Variants in FARSB observed in about 807,000 individuals in gnomAD.
FARSB encodes phenylalanine--tRNA ligase beta subunit.
In FARSB, 40 loss-of-function variants were observed where a neutral mutation model predicts 69.6. The ratio of observed to expected loss-of-function variants is 0.57; its 90% confidence interval spans 0.45 to 0.75. FARSB has a LOEUF of 0.75. Ranked by LOEUF, FARSB falls within the 30% of genes least tolerant of loss-of-function variation. The pLI is 0.00. For missense variants in FARSB, 632 were observed against 722.9 expected, an observed-to-expected ratio of 0.87 and a Z score of 1.44; for synonymous variants, 235 against 247.2, an observed-to-expected ratio of 0.95 and a Z score of 0.46.
At chr2:222,632,848 A>C (rs1228338359) in intron 7 of FARSB, among the ~76,000 whole-genome samples, 1 of 151,858 alleles carries the variant, frequency 6.6e-6, no homozygotes, top group East Asian at 1.9e-4. Flanking sequence ...AACAAAAAAA[A>C]AAAACAAAAG....
chr2:222,612,072 G>A (rs1041918381), intron 15 of FARSB, among the ~76,000 whole-genome samples: 6 of 152,238 alleles, frequency 3.9e-5, no homozygotes, highest in Admixed American at 6.5e-5. Context: ...GAAATAAGAT[G>A]AATGGAAACA....
At chr2:222,599,847 A>G (rs1690515062) in intron 16 of FARSB, 81 bp downstream of exon 16, 2 of 1,173,064 alleles carry the variant, frequency 1.7e-6, no homozygotes, top group Non-Finnish European at 2.4e-6. Context: ...TCCCAAATCA[A>G]AACTACCAAC....
rs185668259 is a variant in FARSB, at chr2:222,617,972, G to A, written c.1344+1673C>T. Among the ~76,000 whole-genome samples the A allele has an allele frequency of 1.5e-3, 221 of 152,256 alleles. 1 individual carries two copies. The highest frequency in any genetic ancestry group is 0.013 in the Admixed American group (193 of 15,290). On this transcript the variant is annotated intron_variant, in intron 14 of 16. Transcript: ENST00000281828. Reference sequence around the variant, plus strand: ...GGAGAAAAAGGTACATTTCGAATAAGCAAAAATCCATTAAGATTTACTGAA... The same window carrying A: ...GGAGAAAAAGGTACATTTCGAATAAACAAAAATCCATTAAGATTTACTGAA...
intron 1 of FARSB, among the ~76,000 whole-genome samples, chr2:222,654,965 G>A (rs556621975): frequency 1.1e-4 from 16 of 152,328 alleles, no homozygotes; most frequent in East Asian, 5.8e-4. Flanking sequence ...TTGGGAGGCC[G>A]CGGCAGGTGG....
chr2:222,613,889 T>C lies in FARSB; in HGVS notation c.1384A>G (p.Ile462Val), dbSNP rs529537205. 72 of 1,613,964 alleles carry C rather than the reference T, an allele frequency of 4.5e-5. No individual in the cohort carries two copies. The South Asian group carries it at 7.2e-4, about 16-fold the overall frequency. ...TTLLPGLLKTIAANRKMPLPL... is the reference protein window; with the variant it reads ...TTLLPGLLKTVAANRKMPLPL... ...AGGGGCATCTTACGATTTGCTGCTATGGTCTTCAGGAGGCCAGGAAGAAGG... is the reference window on the plus strand; with the variant it reads ...AGGGGCATCTTACGATTTGCTGCTACGGTCTTCAGGAGGCCAGGAAGAAGG... The change falls in exon 15 of 17, where the codon ATA (isoleucine) becomes GTA (valine). Residue 462 changes from isoleucine (I) to valine (V), a missense_variant. Physicochemically the swap from Ile to Val is conservative, Grantham distance 29. Coordinates refer to ENST00000281828, the MANE Select transcript of FARSB (RefSeq NM_005687.5).
In FARSB at chr2:222,568,028, A is replaced by C. The variant is rs1361966317; in HGVS notation, c.*3843T>G. The C allele has an allele frequency of 6.6e-6, 1 of 152,266 alleles. No individual in the cohort carries two copies. The highest frequency in any genetic ancestry group is 1.5e-5 in the Non-Finnish European group (1 of 68,050). The allele number at this position is 152,266 out of a possible 1,614,324, so 9.4% of individuals were successfully genotyped here. A position where few individuals can be genotyped will look rare whatever the true frequency, so the allele number is the denominator to read the frequency against. On this transcript the variant is annotated 3_prime_UTR_variant, in exon 17 of 17. Coordinates refer to ENST00000281828, the MANE Select transcript of FARSB (RefSeq NM_005687.5). This position sits in a 1 kb window ranked among gnomAD's most constrained non-coding sequence, Gnocchi z 4.3. ...AAGTGAAATGTCATGAGATATATGTAAAATAAAAAACAAAACTTGTTGCAA... is the reference window on the plus strand; with the variant it reads ...AAGTGAAATGTCATGAGATATATGTCAAATAAAAAACAAAACTTGTTGCAA...
chr2:222,612,651 G>C (rs1690888780), intron 15 of FARSB, among the ~76,000 whole-genome samples: 2 of 152,188 alleles, frequency 1.3e-5, no homozygotes, highest in Admixed American at 6.5e-5. Flanking sequence ...CATAAACACT[G>C]CTAGTAATTG....
At chr2:222,572,917 C>T (rs1482924277) in intron 16 of FARSB, among the ~76,000 whole-genome samples, 3 of 152,174 alleles carry the variant, frequency 2.0e-5, no homozygotes, top group African/African-American at 7.2e-5. Flanking sequence ...CTCTCACCAC[C>T]AACTTGAAAA....
chr2:222,617,451 G>A (rs1338281976), intron 14 of FARSB, among the ~76,000 whole-genome samples: 1 of 152,174 alleles, frequency 6.6e-6, no homozygotes, highest in East Asian at 1.9e-4. Context: ...GAGAGAGGTG[G>A]GGAGCAAGAG....
At chr2:222,653,289 T>C (rs1692083710) in intron 1 of FARSB, among the ~76,000 whole-genome samples, 1 of 151,722 alleles carries the variant, frequency 6.6e-6, no homozygotes, top group Admixed American at 6.6e-5. Context: ...AAAGAGGTGG[T>C]AAAAAGGAAG....
At position 222,610,577 on chromosome 2, in the gene FARSB, C is replaced by T. The variant is rs932599743; in HGVS notation, c.1462+3234G>A. ...AGTCAAAAGTTAGGATAAGAATTGGCCCCAAGTGCCTCAGCAAGGTGACAT... is the reference window on the plus strand; with the variant it reads ...AGTCAAAAGTTAGGATAAGAATTGGTCCCAAGTGCCTCAGCAAGGTGACAT... On this transcript the variant is annotated intron_variant, in intron 15 of 16. Transcript: ENST00000281828. Among the ~76,000 whole-genome samples the T allele has an allele frequency of 2.6e-5, 4 of 151,830 alleles. No homozygotes were observed. In the East Asian group the frequency reaches 5.8e-4, roughly 22 times the overall value.
intron 16 of FARSB, among the ~76,000 whole-genome samples, chr2:222,598,917 T>C (rs1690492120): frequency 1.3e-5 from 2 of 150,416 alleles, no homozygotes; most frequent in Non-Finnish European, 3.0e-5. Context: ...AACAACTTCC[T>C]GCTTATTTAA....
chr2:222,606,334 T>C (rs1232121423), intron 15 of FARSB, among the ~76,000 whole-genome samples: 1 of 151,632 alleles, frequency 6.6e-6, no homozygotes, highest in African/African-American at 2.4e-5. Context: ...TCCTAGTATG[T>C]TGCACTAAGA....
At chr2:222,610,349 A>G (rs1690814382) in intron 15 of FARSB, among the ~76,000 whole-genome samples, 1 of 152,224 alleles carries the variant, frequency 6.6e-6, no homozygotes, top group African/African-American at 2.4e-5. Flanking sequence ...AATCCAACAG[A>G]GAAAAATGGT....
intron 15 of FARSB, among the ~76,000 whole-genome samples, chr2:222,600,432 A>G (rs1425178097): frequency 6.6e-6 from 1 of 152,190 alleles, no homozygotes; most frequent in Non-Finnish European, 1.5e-5. Flanking sequence ...AATACTACCC[A>G]AAGGAAATAA....
Position 222,572,031 on chromosome 2 carries a change from G to A in FARSB, c.1619-9C>T. ...GGGGAAGAAAGCAGGCCCTGAAAAA[G>A]AGAAAGTAAGAGAAAAATCAATGTT... On this transcript the variant is annotated splice_polypyrimidine_tract_variant and intron_variant, in intron 16 of 16. Transcript: ENST00000281828. 1.2e-6 allele frequency: 2 copies of A among 1,604,250 alleles called. No individual in the cohort carries two copies. The highest frequency in any genetic ancestry group is 4.5e-5 in the East Asian group (2 of 44,772).
At chr2:222,578,613 A>T (rs1183319908) in intron 16 of FARSB, among the ~76,000 whole-genome samples, 1 of 151,660 alleles carries the variant, frequency 6.6e-6, no homozygotes, top group Non-Finnish European at 1.5e-5. Flanking sequence ...CCAACGCGGG[A>T]AGATCACGAG....
chr2:222,648,918 T>A, intron 1 of FARSB, 123 bp from the exon 2 acceptor site: 1 of 728,206 alleles, frequency 1.4e-6, no homozygotes. Flanking sequence ...ATATCAGGCA[T>A]CACATATTAT....
chr2:222,649,234 T>TAAAAAAAAAAA (rs71961708), intron 1 of FARSB, among the ~76,000 whole-genome samples: 9 of 88,288 alleles, frequency 1.0e-4, no homozygotes, highest in Admixed American at 4.1e-4. Flanking sequence ...CTCAAAAAAT[T>TAAAAAAAAAAA]AAAAAAAAAA....
Sources: allele counts gnomAD v4.1 joint callset (sites outside exome capture counted in the v4.1 genomes callset), GRCh38; gene constraint gnomAD v4.1.1; non-coding constraint Gnocchi (gnomAD v3.1); transcripts MANE v1.5; gene names NCBI Gene and HGNC (gene_info 2026-07-23, HGNC 2026-07-21).